Variants in CEP131 observed in about 807,000 individuals in gnomAD.
CEP131 encodes centrosomal protein 131, also known as centrosomal protein of 131 kDa.
Under a neutral mutation model 136.8 loss-of-function variants are expected in CEP131, and 99 were observed. That is an observed-to-expected ratio of 0.72 (90% CI 0.62 to 0.86). CEP131 has a LOEUF of 0.86. Among genes scored for constraint, CEP131 ranks in the 40% least tolerant of loss-of-function variants. The pLI is 0.00. For synonymous variants in CEP131, 646 were observed against 612.7 expected (o/e 1.05, Z -0.80); for missense variants, 1,459 against 1,463.0 (o/e 1.00, Z 0.04).
rs375723674 is a variant in CEP131 at position 81,196,999 on chromosome 17, C to T, written c.1704G>A (p.Thr568=). 5.4e-5 allele frequency: 87 copies of T among 1,602,530 alleles called. No individual in the cohort carries two copies. The highest frequency in any genetic ancestry group is 1.4e-4 in the Admixed American group (8 of 59,020). ...GPLELGSEVS[T]SVMRLKLEVE... is the part of the protein sequence containing the mutation. Reference sequence around the variant, plus strand: ...CCTCCAGCTTCAGCCGCATCACAGACGTGCTCACCTCGGACCCCAGCTCCA... The same window carrying T: ...CCTCCAGCTTCAGCCGCATCACAGATGTGCTCACCTCGGACCCCAGCTCCA... The change falls in exon 14 of 26, where the codon ACG becomes ACA. Residue 568 remains threonine, a synonymous_variant. Transcript: ENST00000450824.
At chr17:81,218,944 C>T (rs1373168147) in intron 2 of CEP131, among the ~76,000 whole-genome samples, 2 of 152,248 alleles carry the variant, frequency 1.3e-5, no homozygotes, top group African/African-American at 2.4e-5. Context: ...AGCCCCAGAC[C>T]GGCTGCCGCA....
Position 81,190,821 on chromosome 17 carries a change from C to A in CEP131, c.2944-19G>T. 2 of 1,595,084 alleles carry A rather than the reference C, an allele frequency of 1.3e-6. No homozygotes were observed. Among genetic ancestry groups the A allele is most frequent in the South Asian group, 1.1e-5 (1 of 89,352 alleles). On this transcript the variant is annotated intron_variant, in intron 23 of 25. Coordinates refer to ENST00000450824, the MANE Select transcript of CEP131 (RefSeq NM_014984.4). ...CGTTCACCTGGGTGGGCACAGAAGGCAGTGAGCCGGCTGCCAGCGACTGGC... is the reference window on the plus strand; with the variant it reads ...CGTTCACCTGGGTGGGCACAGAAGGAAGTGAGCCGGCTGCCAGCGACTGGC...
chr17:81,197,298 C>T, intron 13 of CEP131: 1 of 584,100 alleles, frequency 1.7e-6, no homozygotes, highest in Non-Finnish European at 3.0e-6. Flanking sequence ...TTCTATGCTG[C>T]CCAGCTTCCT....
intron 6 of CEP131, among the ~76,000 whole-genome samples, chr17:81,202,986 G>C (rs1404443722): frequency 6.6e-6 from 1 of 151,588 alleles, no homozygotes; most frequent in African/African-American, 2.4e-5. Context: ...AAATTCCATT[G>C]AGAAAGTTCC....
At position 81,219,978 on chromosome 17, in the gene CEP131, G is replaced by A; in HGVS notation, c.79C>T (p.Pro27Ser). 2 of 1,612,214 alleles carry A rather than the reference G, an allele frequency of 1.2e-6. No homozygotes were observed. The highest frequency in any genetic ancestry group is 1.7e-6 in the Non-Finnish European group (2 of 1,179,352). ...CTGCCAGGACGCCGGGACACAGGCG[G>A]AGGGAGACCTGTCAGACTCAGGTCC... Reference protein sequence around the residue: ...GVDLSLTGLPPPVSRRPGSAA... With the variant: ...GVDLSLTGLPSPVSRRPGSAA... The change falls in exon 2 of 26, where the codon CCG (proline) becomes TCG (serine). Residue 27 changes from proline to serine, a missense_variant. Pro to Ser is a moderately conservative substitution (Grantham distance 74). This residue lies in a region of CEP131 where 187 missense variants were observed against 179.9 expected (regional missense o/e 1.04). Coordinates refer to ENST00000450824, the MANE Select transcript of CEP131 (RefSeq NM_014984.4). The surrounding 1 kb of genome is among the most constrained non-coding windows in gnomAD (Gnocchi z 4.0).
At position 81,219,020 on chromosome 17, in the gene CEP131, C is replaced by T. The variant is rs536679235; in HGVS notation, c.177+860G>A. Reference sequence around the variant, plus strand: ...AGGCCAGACTCTGGTCAGGCTCTGCCCCAACCCCCACAGAGCGGCTCGATT... The same window carrying T: ...AGGCCAGACTCTGGTCAGGCTCTGCTCCAACCCCCACAGAGCGGCTCGATT... On this transcript the variant is annotated intron_variant, in intron 2 of 25. Coordinates refer to ENST00000450824, the MANE Select transcript of CEP131 (RefSeq NM_014984.4). This position sits in a 1 kb window ranked among gnomAD's most constrained non-coding sequence, Gnocchi z 4.0. Among the ~76,000 whole-genome samples the T allele has an allele frequency of 2.6e-4, 40 of 152,342 alleles. 1 individual carries two copies. In the South Asian group the frequency reaches 7.7e-3, roughly 29 times the overall value.
chr17:81,197,707 G>C lies in CEP131; in HGVS notation c.1647+5C>G, dbSNP rs760311175. The C allele has an allele frequency of 3.1e-6, 5 of 1,606,554 alleles. No homozygotes were observed. The highest frequency in any genetic ancestry group is 4.3e-6 in the Non-Finnish European group (5 of 1,176,302). On this transcript the variant is annotated splice_donor_5th_base_variant and intron_variant, in intron 13 of 25. Transcript: ENST00000450824. ...GGGGCCGGGTGCGGGCTGGTGAGGG[G>C]CCACCTCCTGCTGGGAGTCCAGCTG...
In CEP131 at chr17:81,198,924, A is replaced by G; in HGVS notation, c.1240T>C (p.Ser414Pro). 6.3e-7 allele frequency: 1 copy of G among 1,592,898 alleles called. No homozygotes were observed. The highest frequency in any genetic ancestry group is 1.8e-5 in the Admixed American group (1 of 56,724). The change falls in exon 11 of 26, where the codon TCC (serine) becomes CCC (proline). Residue 414 changes from serine (S) to proline (P), a missense_variant. Transcript: ENST00000450824. ...AGPGDRCLPTSDSSPEPQQPP... is the reference protein window; with the variant it reads ...AGPGDRCLPTPDSSPEPQQPP... The stretch of plus-strand genomic sequence containing the variant: ...TGCTGTGGTTCTGGGGATGAGTCGG[A>G]GGTGGGCAGGCAGCGGTCTCCGGGG...
chr17:81,219,486 C>T lies in CEP131; in HGVS notation c.177+394G>A, dbSNP rs1030035358. ...TTTTTTTTTGTATCTTTAGTAGAGACGGAGTTTCACCATGTTGGTCAGGCT... is the reference window on the plus strand; with the variant it reads ...TTTTTTTTTGTATCTTTAGTAGAGATGGAGTTTCACCATGTTGGTCAGGCT... On this transcript the variant is annotated intron_variant, in intron 2 of 25. Coordinates refer to ENST00000450824, the MANE Select transcript of CEP131 (RefSeq NM_014984.4). The surrounding 1 kb of genome is among the most constrained non-coding windows in gnomAD (Gnocchi z 4.0). Among the ~76,000 whole-genome samples, 5 of 151,826 alleles carry T rather than the reference C, an allele frequency of 3.3e-5. No homozygotes were observed. The highest frequency in any genetic ancestry group is 1.3e-4 in the Admixed American group (2 of 15,238).
rs916856488 is a variant in CEP131, at chr17:81,208,045, C to A, written c.273-806G>T. Among the ~76,000 whole-genome samples, 5 of 110,698 alleles carry A rather than the reference C, an allele frequency of 4.5e-5. No individual in the cohort carries two copies. The highest frequency in any genetic ancestry group is 1.3e-4 in the African/African-American group (4 of 30,406). 72.6% of individuals were successfully genotyped at this position (110,698 alleles called of 152,430 possible). ...CACACACCCACACACCACACACCCC[C>A]CACACACACCACACTCACACCACAC... On this transcript the variant is annotated intron_variant, in intron 3 of 25. Transcript: ENST00000450824. The surrounding 1 kb of genome is among the most constrained non-coding windows in gnomAD (Gnocchi z 5.6).
At chr17:81,200,556 T>C in intron 7 of CEP131, 110 bp from the exon 8 acceptor site, 3 of 790,812 alleles carry the variant, frequency 3.8e-6, no homozygotes, top group Non-Finnish European at 6.2e-6. Flanking sequence ...GCGGCTGCAC[T>C]CAAGTAGCCC....
intron 5 of CEP131, among the ~76,000 whole-genome samples, chr17:81,204,568 G>C (rs898966265): frequency 1.3e-5 from 2 of 152,038 alleles, no homozygotes; most frequent in Admixed American, 1.3e-4. Context: ...CTTTTAACAA[G>C]AACCACCAAG....
At position 81,191,291 on chromosome 17, in the gene CEP131, G is replaced by C; in HGVS notation, c.2667C>G (p.Ile889Met). 3 of 1,613,480 alleles carry C rather than the reference G, an allele frequency of 1.9e-6. No individual in the cohort carries two copies. The highest frequency in any genetic ancestry group is 2.5e-6 in the Non-Finnish European group (3 of 1,179,962). Residue 889 changes from isoleucine to methionine, a missense_variant, in exon 22 of 26, where the codon ATC becomes ATG. Physicochemically the swap from Ile to Met is conservative, Grantham distance 10. Coordinates refer to ENST00000450824, the MANE Select transcript of CEP131 (RefSeq NM_014984.4). ...CAATCTCCTTGTCCCGGCCTTTCCGGATTTCTTCCCTCAGCTCCTGTTCCC... is the reference window on the plus strand; with the variant it reads ...CAATCTCCTTGTCCCGGCCTTTCCGCATTTCTTCCCTCAGCTCCTGTTCCC... ...LNREQELREE[I>M]RKGRDKEIEL...
intron 2 of CEP131, among the ~76,000 whole-genome samples, chr17:81,218,800 G>T (rs531955598): frequency 6.6e-6 from 1 of 152,242 alleles, no homozygotes; most frequent in Admixed American, 6.5e-5. Flanking sequence ...AAGGAGAAGG[G>T]GGAGGTCCAA....
intron 4 of CEP131, 96 bp downstream of exon 4, chr17:81,207,029 G>C: frequency 3.3e-6 from 5 of 1,519,438 alleles, no homozygotes; most frequent in Non-Finnish European, 4.4e-6. Flanking sequence ...CACCCTCCCT[G>C]CAGTGCCCTT....
Position 81,208,652 on chromosome 17 carries a change from C to G in CEP131, c.272+276G>C, listed in dbSNP as rs937588689. Among the ~76,000 whole-genome samples, 26 of 152,312 alleles carry G rather than the reference C, an allele frequency of 1.7e-4. No individual in the cohort carries two copies. Among genetic ancestry groups the G allele is most frequent in the Admixed American group, 1.5e-3 (23 of 15,310 alleles). On this transcript the variant is annotated intron_variant, in intron 3 of 25. Coordinates refer to ENST00000450824, the MANE Select transcript of CEP131 (RefSeq NM_014984.4). This position sits in a 1 kb window ranked among gnomAD's most constrained non-coding sequence, Gnocchi z 5.6. ...CAGGTGGAAAGGGCTTCAGCGGAGCCCTCAGGCAGGGTCCCAGCAGCCGCC... is the reference window on the plus strand; with the variant it reads ...CAGGTGGAAAGGGCTTCAGCGGAGCGCTCAGGCAGGGTCCCAGCAGCCGCC...
Position 81,199,429 on chromosome 17 carries a change from G to T in CEP131, c.1144C>A (p.Pro382Thr). 6.2e-7 allele frequency: 1 copy of T among 1,607,594 alleles called. No individual in the cohort carries two copies. The highest frequency in any genetic ancestry group is 8.5e-7 in the Non-Finnish European group (1 of 1,177,996). Residue 382 changes from proline to threonine, a missense_variant, in exon 10 of 26, where the codon CCC becomes ACC. Pro to Thr is a conservative substitution (Grantham distance 38, BLOSUM62 -1). This residue lies in a region of CEP131 where 1,026 missense variants were observed against 964.2 expected (regional missense o/e 1.06). Transcript: ENST00000450824. ...GMRQPAQELS[P>T]TPGGTAHQAL... The stretch of plus-strand genomic sequence containing the variant: ...TGGTGGGCAGTGCCGCCTGGTGTGG[G>T]GGACAGCTCCTGAGCAGGCTGCCGC...
chr17:81,222,138 C>A (rs183031656), intron 1 of CEP131, among the ~76,000 whole-genome samples: 8 of 152,352 alleles, frequency 5.3e-5, no homozygotes, highest in African/African-American at 9.6e-5. Flanking sequence ...CACTTGCAAG[C>A]GGCTCTGGGA....
At chr17:81,192,698 G>T in intron 19 of CEP131, 38 bp downstream of exon 19, 2 of 1,460,648 alleles carry the variant, frequency 1.4e-6, no homozygotes, top group Non-Finnish European at 9.3e-7. Context: ...AGCCAGCGAG[G>T]GGTCCCTGGG....
Sources: gnomAD v4.1 joint callset for allele counts (sites outside exome capture counted in the v4.1 genomes callset) on GRCh38, gnomAD v4.1.1 for gene constraint, gnomAD v4.1.1 regional missense constraint, Gnocchi (gnomAD v3.1) non-coding constraint, MANE v1.5 for transcripts, NCBI Gene and HGNC (gene_info 2026-07-23, HGNC 2026-07-21) for gene names.